MYO5B: variants seen among roughly 807,000 people sequenced by gnomAD.
MYO5B encodes the protein unconventional myosin-Vb.
A neutral mutation model predicts 229.3 loss-of-function variants in MYO5B; 143 were observed. The ratio of observed to expected loss-of-function variants is 0.62; its 90% confidence interval spans 0.54 to 0.72. The LOEUF (loss-of-function observed/expected upper bound fraction) is 0.72. MYO5B is among the 30% of genes least tolerant of loss of function. The probability of loss-of-function intolerance (pLI) is 0.00; values close to 1 mark genes in which losing one functional copy is unlikely to be tolerated. For synonymous variants in MYO5B, 918 were observed against 885.2 expected, an observed-to-expected ratio of 1.04 and a Z score of -0.66; for missense variants, 2,321 against 2,331.0, an observed-to-expected ratio of 1.00 and a Z score of 0.09.
intron 1 of MYO5B, among the ~76,000 whole-genome samples, chr18:50,179,086 G>T (rs993200204): frequency 2.6e-5 from 4 of 152,102 alleles, no homozygotes; most frequent in African/African-American, 9.7e-5. Context: ...AAATCTTAGG[G>T]CCGATAGCCC....
At chr18:49,872,354 TCCA>T in intron 26 of MYO5B, 122 bp from the exon 27 acceptor site, 1 of 888,032 alleles carries the variant, frequency 1.1e-6, no homozygotes, top group Non-Finnish European at 1.9e-6. Context: ...ACCCCCACCC[TCCA>T]CAAGTCCACT....
chr18:49,964,394 G>C (rs1470224836), intron 10 of MYO5B, among the ~76,000 whole-genome samples: 1 of 152,064 alleles, frequency 6.6e-6, no homozygotes, highest in African/African-American at 2.4e-5. Context: ...GTTGATGGGT[G>C]ATGCATTTTT....
intron 1 of MYO5B, among the ~76,000 whole-genome samples, chr18:50,057,451 G>A (rs944640839): frequency 3.3e-5 from 5 of 152,208 alleles, no homozygotes; most frequent in African/African-American, 9.6e-5. Flanking sequence ...AACAGGAACC[G>A]AACGGAGGTG....
At chr18:49,991,654 T>C (rs1318691900) in intron 6 of MYO5B, among the ~76,000 whole-genome samples, 1 of 151,970 alleles carries the variant, frequency 6.6e-6, no homozygotes. Flanking sequence ...GAGGGGAACA[T>C]CAAACACCGG....
At chr18:50,025,092 C>T (rs1450038262) in intron 4 of MYO5B, among the ~76,000 whole-genome samples, 3 of 152,170 alleles carry the variant, frequency 2.0e-5, no homozygotes, top group Non-Finnish European at 4.4e-5. Flanking sequence ...GACCCTGTTA[C>T]AAGACTATAG....
chr18:50,160,942 G>A (rs1192516932), intron 1 of MYO5B, among the ~76,000 whole-genome samples: 8 of 152,006 alleles, frequency 5.3e-5, no homozygotes, highest in Admixed American at 1.3e-4. Flanking sequence ...GAAACACTGC[G>A]GCCATTCTCC....
intron 1 of MYO5B, among the ~76,000 whole-genome samples, chr18:50,173,678 C>T (rs2032952556): frequency 6.6e-6 from 1 of 152,172 alleles, no homozygotes. Flanking sequence ...GGGGAAATCA[C>T]AGATGATGCC....
intron 1 of MYO5B, among the ~76,000 whole-genome samples, chr18:50,165,550 CG>C (rs2144326161): frequency 6.6e-6 from 1 of 152,210 alleles, no homozygotes; most frequent in East Asian, 1.9e-4. Context: ...CCAAGGCAGG[CG>C]GATCACTTAA....
intron 5 of MYO5B, among the ~76,000 whole-genome samples, chr18:49,994,362 G>GT (rs1370678413): frequency 3.9e-5 from 6 of 152,250 alleles, no homozygotes; most frequent in Non-Finnish European, 7.3e-5. Flanking sequence ...CTTGTGAAAT[G>GT]TAAGTATTGG....
At chr18:50,101,472 T>C (rs1464061985) in intron 1 of MYO5B, among the ~76,000 whole-genome samples, 1 of 152,076 alleles carries the variant, frequency 6.6e-6, no homozygotes, top group African/African-American at 2.4e-5. Flanking sequence ...ACCTACAGAA[T>C]GGGAGAAAAT....
intron 7 of MYO5B, among the ~76,000 whole-genome samples, chr18:49,988,028 C>A (rs1257916108): frequency 6.6e-6 from 1 of 152,154 alleles, no homozygotes; most frequent in Non-Finnish European, 1.5e-5. Context: ...AATGCAATGG[C>A]CCAACAATGG....
intron 1 of MYO5B, among the ~76,000 whole-genome samples, chr18:50,152,177 G>A (rs373075970): frequency 7.9e-5 from 12 of 152,168 alleles, no homozygotes; most frequent in Non-Finnish European, 1.8e-4. Context: ...TACTGATCCC[G>A]AGTCCCAATG....
intron 37 of MYO5B, among the ~76,000 whole-genome samples, chr18:49,837,118 ATAAGT>A (rs537103402): frequency 6.6e-6 from 1 of 152,362 alleles, no homozygotes; most frequent in South Asian, 2.1e-4. Flanking sequence ...AAGTGTCTAC[ATAAGT>A]TAACAGGGAA....
intron 22 of MYO5B, among the ~76,000 whole-genome samples, chr18:49,888,877 C>A (rs562228881): frequency 6.6e-6 from 1 of 152,354 alleles, no homozygotes; most frequent in Non-Finnish European, 1.5e-5. Flanking sequence ...GGGTTGCCCC[C>A]ACGCTTGGTG....
chr18:49,945,843 G>C (rs1190999247), intron 14 of MYO5B, among the ~76,000 whole-genome samples: 1 of 152,144 alleles, frequency 6.6e-6, no homozygotes, highest in Non-Finnish European at 1.5e-5. Context: ...AAAGGACAAA[G>C]TGGCCCGTCA....
chr18:50,068,917 C>T (rs2030886556), intron 1 of MYO5B, among the ~76,000 whole-genome samples: 1 of 152,138 alleles, frequency 6.6e-6, no homozygotes. Context: ...CTTTAATGTC[C>T]ACCTTTAATA....
intron 4 of MYO5B, among the ~76,000 whole-genome samples, chr18:50,020,190 T>C (rs1254213743): frequency 6.6e-6 from 1 of 152,232 alleles, no homozygotes; most frequent in Non-Finnish European, 1.5e-5. Context: ...CTCAGGTTCA[T>C]ACTTTCTTCT....
At chr18:49,890,834 C>T (rs899068079) in intron 22 of MYO5B, among the ~76,000 whole-genome samples, 1 of 152,130 alleles carries the variant, frequency 6.6e-6, no homozygotes, top group African/African-American at 2.4e-5. Flanking sequence ...GAATGTTCTT[C>T]TAAGTAAGCA....
At position 49,847,394 on chromosome 18, in the gene MYO5B, G is replaced by A. The variant is rs376268855; in HGVS notation, c.4316-105C>T. 1.1e-4 allele frequency: 149 copies of A among 1,410,168 alleles called. No individual in the cohort carries two copies. In the East Asian group the frequency reaches 3.2e-3, roughly 31 times the overall value. 87.4% of individuals were successfully genotyped at this position (1,410,168 alleles called of 1,614,324 possible). A position where few individuals can be genotyped will look rare whatever the true frequency, so the allele number is the denominator to read the frequency against. ...GAGGATGGGACCTGGGGCAGGGGAA[G>A]GGGCATCTCTGGCAGGTGGAGGATG... On this transcript the variant is annotated intron_variant, in intron 32 of 39. Transcript: ENST00000285039.
Sources: allele counts gnomAD v4.1 joint callset (sites outside exome capture counted in the v4.1 genomes callset), GRCh38; gene constraint gnomAD v4.1.1; transcripts MANE v1.5; gene names NCBI Gene and HGNC (gene_info 2026-07-23, HGNC 2026-07-21).